FTO: variants seen among roughly 807,000 people sequenced by gnomAD.
FTO encodes the protein FTO alpha-ketoglutarate dependent dioxygenase.
In FTO, 47 loss-of-function variants were observed where a neutral mutation model predicts 63.9. That is an observed-to-expected ratio of 0.74 (90% CI 0.58 to 0.94). The LOEUF (loss-of-function observed/expected upper bound fraction) is 0.94. FTO is among the 40% of genes least tolerant of loss of function. The pLI, the probability that FTO is intolerant of heterozygous loss-of-function variation, is 0.00. For missense variants in FTO, 562 were observed against 618.1 expected (o/e 0.91, Z 0.96); for synonymous variants, 207 against 224.4 (o/e 0.92, Z 0.69).
In FTO at chr16:54,118,068, A is replaced by G. The variant is rs990306262; in HGVS notation, c.*6153A>G. On this transcript the variant is annotated 3_prime_UTR_variant, in exon 9 of 9. Transcript: ENST00000471389. ...CTGCACTTGCCTTTAGACAAAATTCATCAATTTTACAAAAGCCACTGACTA... is the reference window on the plus strand; with the variant it reads ...CTGCACTTGCCTTTAGACAAAATTCGTCAATTTTACAAAAGCCACTGACTA... The G allele has an allele frequency of 6.6e-6, 1 of 152,262 alleles. No individual in the cohort carries two copies. The highest frequency in any genetic ancestry group is 1.5e-5 in the Non-Finnish European group (1 of 68,048). The allele number at this position is 152,262 out of a possible 1,614,324, so 9.4% of individuals were successfully genotyped here.
At chr16:53,997,902 A>C (rs2083980563) in intron 8 of FTO, among the ~76,000 whole-genome samples, 1 of 152,216 alleles carries the variant, frequency 6.6e-6, no homozygotes, top group South Asian at 2.1e-4. Context: ...AGTCAAATAC[A>C]TTTGGGAAAT....
intron 8 of FTO, among the ~76,000 whole-genome samples, chr16:53,953,256 C>T (rs920929222): frequency 2.6e-5 from 4 of 152,222 alleles, no homozygotes; most frequent in African/African-American, 9.6e-5. Flanking sequence ...TCTGCAACCT[C>T]CTTCTCCAGT....
rs1471197902 is a variant in FTO, at chr16:54,118,618, G to A, written c.*6703G>A. 2.0e-5 allele frequency: 3 copies of A among 152,116 alleles called. No homozygotes were observed. The highest frequency in any genetic ancestry group is 6.6e-5 in the Admixed American group (1 of 15,254). 9.4% of individuals were successfully genotyped at this position (152,116 alleles called of 1,614,324 possible). On this transcript the variant is annotated 3_prime_UTR_variant, in exon 9 of 9. Coordinates refer to ENST00000471389, the MANE Select transcript of FTO (RefSeq NM_001080432.3). ...TCTGCCTGCATCGGCCTCCCAAAGCGCTGAGATTACAAGCGTGAGCCACTA... is the reference window on the plus strand; with the variant it reads ...TCTGCCTGCATCGGCCTCCCAAAGCACTGAGATTACAAGCGTGAGCCACTA...
chr16:53,887,093 T>C (rs1041952101), intron 6 of FTO: 2 of 152,230 alleles, frequency 1.3e-5, no homozygotes, highest in Non-Finnish European at 2.9e-5. Flanking sequence ...TATGTTGGGA[T>C]TATTTTAGTT....
chr16:53,814,238 A>T (rs1479435380), intron 2 of FTO, among the ~76,000 whole-genome samples: 1 of 152,238 alleles, frequency 6.6e-6, no homozygotes, highest in Non-Finnish European at 1.5e-5. Flanking sequence ...CTGTTAGCTC[A>T]TCATGGAACA....
intron 8 of FTO, among the ~76,000 whole-genome samples, chr16:54,101,243 G>A (rs996086109): frequency 2.6e-5 from 4 of 151,930 alleles, no homozygotes; most frequent in Non-Finnish European, 5.9e-5. Context: ...ATTAAGCCCA[G>A]TACCCAATAG....
intron 1 of FTO, among the ~76,000 whole-genome samples, chr16:53,792,032 C>T (rs1288462694): frequency 1.3e-5 from 2 of 150,454 alleles, no homozygotes; most frequent in African/African-American, 2.4e-5. Flanking sequence ...GCCGAGATTG[C>T]GCCACTGCAC....
intron 8 of FTO, among the ~76,000 whole-genome samples, chr16:54,084,369 C>A (rs1052168755): frequency 6.6e-6 from 1 of 152,138 alleles, no homozygotes; most frequent in Non-Finnish European, 1.5e-5. Context: ...TGGAGTTCAT[C>A]CTGATATTTG....
At position 54,109,441 on chromosome 16, in the gene FTO, G is replaced by A. The variant is rs368100894; in HGVS notation, c.1365-2321G>A. Among the ~76,000 whole-genome samples, 140 of 152,168 alleles carry A rather than the reference G, an allele frequency of 9.2e-4. 1 individual carries two copies. The highest frequency in any genetic ancestry group is 3.2e-3 in the African/African-American group (131 of 41,516). ...CGCCTCCTGGGTCCAAGTGATTCTC[G>A]TGCCTCAGCCTCCCAAGTAGCTGGG... On this transcript the variant is annotated intron_variant, in intron 8 of 8. Coordinates refer to ENST00000471389, the MANE Select transcript of FTO (RefSeq NM_001080432.3).
chr16:53,789,873 TACAA>T (rs1427391718), intron 1 of FTO, among the ~76,000 whole-genome samples: 507 of 16,548 alleles, frequency 0.031, 2 homozygotes, highest in Middle Eastern at 0.11. Context: ...TGTATATATA[TACAA>T]ATTATATATA....
chr16:53,922,808 C>A (rs536687309), intron 7 of FTO, among the ~76,000 whole-genome samples: 1 of 152,200 alleles, frequency 6.6e-6, no homozygotes. Context: ...TTCTTTCCAA[C>A]ATCGAATGGA....
At chr16:53,822,254 G>T (rs1378911323) in intron 2 of FTO, among the ~76,000 whole-genome samples, 1 of 152,104 alleles carries the variant, frequency 6.6e-6, no homozygotes, top group Non-Finnish European at 1.5e-5. Context: ...AGAAACCCTA[G>T]AACGTACTCA....
chr16:53,792,571 A>G (rs1371999504), intron 1 of FTO, among the ~76,000 whole-genome samples: 1 of 152,244 alleles, frequency 6.6e-6, no homozygotes, highest in South Asian at 2.1e-4. Context: ...TTATAAAAAA[A>G]GCCAGAAATC....
chr16:53,720,192 G>C (rs1274376270), intron 1 of FTO, among the ~76,000 whole-genome samples: 1 of 152,048 alleles, frequency 6.6e-6, no homozygotes, highest in Non-Finnish European at 1.5e-5. Context: ...GCTAAACTTG[G>C]AGTTTCACAT....
chr16:53,788,032 C>G (rs2077795935), intron 1 of FTO, among the ~76,000 whole-genome samples: 1 of 152,032 alleles, frequency 6.6e-6, no homozygotes. Context: ...TTTAGAGTAG[C>G]AGGATTGGTG....
At chr16:54,004,820 C>T (rs2084156711) in intron 8 of FTO, among the ~76,000 whole-genome samples, 1 of 152,098 alleles carries the variant, frequency 6.6e-6, no homozygotes, top group South Asian at 2.1e-4. Context: ...CCTGTAATCC[C>T]AGTACTTTGG....
chr16:53,950,602 C>T (rs1034488809), intron 8 of FTO, among the ~76,000 whole-genome samples: 3 of 152,146 alleles, frequency 2.0e-5, no homozygotes, highest in Non-Finnish European at 2.9e-5. Flanking sequence ...TGTTCTTAAG[C>T]GCAAAGGGCT....
At chr16:53,953,903 G>T (rs2082860204) in intron 8 of FTO, among the ~76,000 whole-genome samples, 1 of 152,220 alleles carries the variant, frequency 6.6e-6, no homozygotes, top group Non-Finnish European at 1.5e-5. Context: ...GTGTGGTGAT[G>T]CCAGCTATGG....
At chr16:53,705,040 T>C (rs2075553482) in intron 1 of FTO, among the ~76,000 whole-genome samples, 2 of 151,388 alleles carry the variant, frequency 1.3e-5, no homozygotes, top group South Asian at 4.2e-4. Flanking sequence ...TCATCTCCAC[T>C]ACCTTGGACC....
Sources: gnomAD v4.1 joint callset for allele counts (sites outside exome capture counted in the v4.1 genomes callset) on GRCh38, gnomAD v4.1.1 for gene constraint, MANE v1.5 for transcripts, NCBI Gene and HGNC (gene_info 2026-07-23, HGNC 2026-07-21) for gene names.